LRRC4C: variants seen among roughly 807,000 people sequenced by gnomAD.
LRRC4C encodes leucine-rich repeat-containing protein 4C.
Under a neutral mutation model 33.6 loss-of-function variants are expected in LRRC4C, and 5 were observed. The observed-to-expected ratio is 0.15, with a 90% CI of 0.08 to 0.31. LRRC4C has a LOEUF of 0.31. LRRC4C is among the 10% of genes least tolerant of loss of function. The pLI, the probability that LRRC4C is intolerant of heterozygous loss-of-function variation, is 1.00. For synonymous variants in LRRC4C, 329 were observed against 302.0 expected (o/e 1.09, Z -0.93); for missense variants, 560 against 796.7 (o/e 0.70, Z 3.58).
chr11:40,512,000 T>C (rs1008324691), intron 3 of LRRC4C, among the ~76,000 whole-genome samples: 9 of 152,078 alleles, frequency 5.9e-5, no homozygotes, highest in African/African-American at 1.9e-4. Flanking sequence ...TTTTTATTCT[T>C]TAGCATGTAT....
At position 40,848,085 on chromosome 11, in the gene LRRC4C, CT is replaced by C. The variant is rs1231676008; in HGVS notation, c.-407+85549del. 1.8e-3 allele frequency among the ~76,000 whole-genome samples: 195 copies of C among 111,290 alleles called. 1 individual carries two copies. Among genetic ancestry groups the C allele is most frequent in the African/African-American group, 5.1e-3 (184 of 36,380 alleles). 73.0% of individuals were successfully genotyped at this position (111,290 alleles called of 152,430 possible). A position where few individuals can be genotyped will look rare whatever the true frequency, so the allele number is the denominator to read the frequency against. On this transcript the variant is annotated intron_variant, in intron 2 of 6. Coordinates refer to ENST00000528697, the MANE Select transcript of LRRC4C (RefSeq NM_001258419.2). Reference sequence around the variant, plus strand: ...TCTGGCTAGTGGTCTATCTATCTATCTTTTTTTTTAAAAAAAGCCCCTGGAT... The same window carrying C: ...TCTGGCTAGTGGTCTATCTATCTATCTTTTTTTTAAAAAAAGCCCCTGGAT...
intron 2 of LRRC4C, among the ~76,000 whole-genome samples, chr11:40,693,103 G>A (rs1267425970): frequency 6.6e-6 from 1 of 151,916 alleles, no homozygotes; most frequent in East Asian, 1.9e-4. Flanking sequence ...TCGTGATTCT[G>A]GTTTTTTACC....
At chr11:40,558,633 A>G (rs1384741991) in intron 3 of LRRC4C, among the ~76,000 whole-genome samples, 3 of 152,162 alleles carry the variant, frequency 2.0e-5, no homozygotes, top group African/African-American at 7.2e-5. Context: ...TTGATATTCT[A>G]GTCTTGACCA....
intron 6 of LRRC4C, among the ~76,000 whole-genome samples, chr11:40,140,451 GC>G (rs1351304980): frequency 1.3e-5 from 2 of 152,036 alleles, no homozygotes; most frequent in Non-Finnish European, 2.9e-5. Context: ...AAAATATTTA[GC>G]CCATAAAATA....
At chr11:41,138,701 A>T (rs1041222939) in intron 1 of LRRC4C, among the ~76,000 whole-genome samples, 4 of 152,176 alleles carry the variant, frequency 2.6e-5, no homozygotes, top group Non-Finnish European at 5.9e-5. Context: ...TGATGGTTTC[A>T]ATTTTCCTCC....
At chr11:40,124,894 T>C (rs1200182760) in intron 6 of LRRC4C, among the ~76,000 whole-genome samples, 1 of 152,116 alleles carries the variant, frequency 6.6e-6, no homozygotes, top group Non-Finnish European at 1.5e-5. Flanking sequence ...TGTATGCCTG[T>C]ATCAAAGTAT....
chr11:41,250,668 A>C (rs1048945641), intron 1 of LRRC4C, among the ~76,000 whole-genome samples: 5 of 152,198 alleles, frequency 3.3e-5, no homozygotes, highest in African/African-American at 1.2e-4. Context: ...GCACATGCTC[A>C]GTACGTTTGG....
intron 2 of LRRC4C, among the ~76,000 whole-genome samples, chr11:40,873,650 C>A (rs1475994102): frequency 6.6e-6 from 1 of 152,076 alleles, no homozygotes; most frequent in Non-Finnish European, 1.5e-5. Context: ...GAATATTGAT[C>A]AATATCGATC....
intron 1 of LRRC4C, among the ~76,000 whole-genome samples, chr11:41,408,756 A>AAAAAAAAAAAACAAAC (rs1954342649): frequency 7.1e-6 from 1 of 140,742 alleles, no homozygotes; most frequent in Admixed American, 6.8e-5. Flanking sequence ...GTAAAAAAAA[A>AAAAAAAAAAAACAAAC]AAAAAAAAAA....
At chr11:40,769,261 A>G (rs568905602) in intron 2 of LRRC4C, among the ~76,000 whole-genome samples, 3 of 152,106 alleles carry the variant, frequency 2.0e-5, no homozygotes, top group Non-Finnish European at 4.4e-5. Context: ...GCTTAAAAAT[A>G]AACTGATGCA....
chr11:41,021,521 A>G (rs1855984154), intron 1 of LRRC4C, among the ~76,000 whole-genome samples: 1 of 152,152 alleles, frequency 6.6e-6, no homozygotes, highest in South Asian at 2.1e-4. Context: ...TAGCTGGTTG[A>G]TAAGAGGTTA....
At chr11:40,942,675 T>G (rs995710103) in intron 1 of LRRC4C, among the ~76,000 whole-genome samples, 3 of 152,108 alleles carry the variant, frequency 2.0e-5, no homozygotes, top group Admixed American at 2.0e-4. Context: ...CTGTAGATAA[T>G]GTGGGATTAT....
chr11:40,276,728 T>C (rs1423572086), intron 4 of LRRC4C, among the ~76,000 whole-genome samples: 2 of 151,078 alleles, frequency 1.3e-5, no homozygotes, highest in Non-Finnish European at 3.0e-5. Flanking sequence ...TGTGTATGTC[T>C]GTGTATGCAA....
chr11:40,528,542 G>A (rs1206121916), intron 3 of LRRC4C, among the ~76,000 whole-genome samples: 1 of 151,944 alleles, frequency 6.6e-6, no homozygotes, highest in African/African-American at 2.4e-5. Context: ...TTGTCGGTGG[G>A]AATGTAAAAT....
At chr11:41,277,002 A>G (rs1425573489) in intron 1 of LRRC4C, among the ~76,000 whole-genome samples, 3 of 152,222 alleles carry the variant, frequency 2.0e-5, no homozygotes, top group African/African-American at 7.2e-5. Flanking sequence ...AGTTTGCGGT[A>G]GCTCTTTATA....
intron 3 of LRRC4C, among the ~76,000 whole-genome samples, chr11:40,569,349 A>C (rs746398860): frequency 4.6e-5 from 7 of 152,240 alleles, no homozygotes; most frequent in East Asian, 3.9e-4. Context: ...AGCCAGAAGA[A>C]ATTTAGTATC....
chr11:40,344,173 C>A (rs912885080), intron 3 of LRRC4C, among the ~76,000 whole-genome samples: 4 of 151,938 alleles, frequency 2.6e-5, no homozygotes, highest in Non-Finnish European at 4.4e-5. Flanking sequence ...CATCTTGATA[C>A]CAAAACCTGG....
At chr11:40,127,727 A>T (rs754100144) in intron 6 of LRRC4C, among the ~76,000 whole-genome samples, 1 of 152,198 alleles carries the variant, frequency 6.6e-6, no homozygotes, top group African/African-American at 2.4e-5. Flanking sequence ...GACTACTGAG[A>T]TGTGTATAGT....
intron 2 of LRRC4C, among the ~76,000 whole-genome samples, chr11:40,891,853 G>C (rs961460526): frequency 9.2e-5 from 14 of 151,960 alleles, no homozygotes; most frequent in Non-Finnish European, 1.8e-4. Flanking sequence ...AGTTCTTCGG[G>C]GGCTGGGCGT....
Sources: gnomAD v4.1 joint callset for allele counts (sites outside exome capture counted in the v4.1 genomes callset) on GRCh38, gnomAD v4.1.1 for gene constraint, MANE v1.5 for transcripts, NCBI Gene and HGNC (gene_info 2026-07-23, HGNC 2026-07-21) for gene names.